Variants in PDSS2 observed in about 807,000 individuals in gnomAD.
PDSS2 encodes all trans-polyprenyl-diphosphate synthase PDSS2.
A neutral mutation model predicts 44.5 loss-of-function variants in PDSS2; 31 were observed. The ratio of observed to expected loss-of-function variants is 0.70; its 90% confidence interval spans 0.52 to 0.94. PDSS2 has a LOEUF of 0.94. Among genes scored for constraint, PDSS2 ranks in the 40% least tolerant of loss-of-function variants. The probability of loss-of-function intolerance (pLI) is 0.00; values close to 1 mark genes in which losing one functional copy is unlikely to be tolerated. For synonymous variants in PDSS2, 157 were observed against 180.3 expected (o/e 0.87, Z 1.03); for missense variants, 452 against 482.2 (o/e 0.94, Z 0.59).
At chr6:107,173,574 A>AAAAAAAAAAAAAAAAAAAAAAAAAAAAAC (rs1771676983) in intron 7 of PDSS2, among the ~76,000 whole-genome samples, 1 of 143,060 alleles carries the variant, frequency 7.0e-6, no homozygotes, top group African/African-American at 2.8e-5. Flanking sequence ...CTCTGTCTCA[A>AAAAAAAAAAAAAAAAAAAAAAAAAAAAAC]AAAAAAAAAA....
chr6:107,409,576 G>C (rs1331470563), intron 1 of PDSS2, among the ~76,000 whole-genome samples: 3 of 152,166 alleles, frequency 2.0e-5, no homozygotes, highest in South Asian at 2.1e-4. Flanking sequence ...TGGACAAGGA[G>C]AGTCAGAATT....
intron 4 of PDSS2, among the ~76,000 whole-genome samples, chr6:107,225,297 T>A (rs1010198465): frequency 6.7e-6 from 1 of 149,194 alleles, no homozygotes; most frequent in Non-Finnish European, 1.5e-5. Flanking sequence ...CTCAGCCTCC[T>A]GAACAGCTGG....
intron 1 of PDSS2, among the ~76,000 whole-genome samples, chr6:107,358,192 G>A (rs1366961911): frequency 2.6e-5 from 4 of 152,120 alleles, no homozygotes; most frequent in Non-Finnish European, 4.4e-5. Flanking sequence ...TTCGGACTAG[G>A]TGTATAAGGA....
At chr6:107,437,525 C>CAAA (rs60133518) in intron 1 of PDSS2, among the ~76,000 whole-genome samples, 15 of 126,738 alleles carry the variant, frequency 1.2e-4, no homozygotes, top group African/African-American at 4.8e-4. Context: ...ACCCTGTCTC[C>CAAA]AAAAAAAAAA....
intron 1 of PDSS2, among the ~76,000 whole-genome samples, chr6:107,412,750 C>A (rs1780544792): frequency 6.6e-6 from 1 of 152,108 alleles, no homozygotes; most frequent in Non-Finnish European, 1.5e-5. Context: ...TTTAGAAAGG[C>A]TTTATAATTC....
chr6:107,290,738 C>G (rs1776316838), intron 2 of PDSS2, among the ~76,000 whole-genome samples: 2 of 152,200 alleles, frequency 1.3e-5, no homozygotes, highest in African/African-American at 4.8e-5. Flanking sequence ...GCACCTCTCT[C>G]TACATAAGGC....
chr6:107,306,228 C>T (rs1197458912), intron 2 of PDSS2, among the ~76,000 whole-genome samples: 1 of 152,114 alleles, frequency 6.6e-6, no homozygotes, highest in Admixed American at 6.6e-5. Context: ...CTTGAATTCC[C>T]ATGTGTTGTG....
intron 1 of PDSS2, among the ~76,000 whole-genome samples, chr6:107,382,128 C>A (rs563075456): frequency 6.6e-6 from 1 of 152,318 alleles, no homozygotes; most frequent in Non-Finnish European, 1.5e-5. Context: ...TGTGTTTTCT[C>A]CAACTAGAAT....
intron 7 of PDSS2, among the ~76,000 whole-genome samples, chr6:107,178,506 T>C (rs1281299685): frequency 6.6e-6 from 1 of 152,356 alleles, no homozygotes; most frequent in Non-Finnish European, 1.5e-5. Flanking sequence ...AAGTGAAGCA[T>C]GCTTATCAGC....
chr6:107,449,420 A>G (rs1346580999), intron 1 of PDSS2, among the ~76,000 whole-genome samples: 4 of 152,186 alleles, frequency 2.6e-5, no homozygotes, highest in South Asian at 4.1e-4. Flanking sequence ...CTGAAATCCT[A>G]TAACTATTAA....
chr6:107,287,647 A>T (rs1232346295), intron 2 of PDSS2, among the ~76,000 whole-genome samples: 1 of 151,610 alleles, frequency 6.6e-6, no homozygotes, highest in African/African-American at 2.4e-5. Flanking sequence ...TCAGCCTCCC[A>T]AGTAGCTGGG....
chr6:107,165,377 A>C (rs9486544), intron 7 of PDSS2, among the ~76,000 whole-genome samples: 444 of 152,304 alleles, frequency 2.9e-3, no homozygotes, highest in African/African-American at 0.01. Context: ...TCAGCTTTCT[A>C]CATATGGCTA....
At chr6:107,265,571 TTTTC>T (rs1388455361) in intron 3 of PDSS2, among the ~76,000 whole-genome samples, 1 of 152,200 alleles carries the variant, frequency 6.6e-6, no homozygotes, top group African/African-American at 2.4e-5. Flanking sequence ...TGTTGACAAA[TTTTC>T]TTTCTTATAA....
chr6:107,228,899 T>C (rs1419885631), intron 4 of PDSS2, among the ~76,000 whole-genome samples: 1 of 152,118 alleles, frequency 6.6e-6, no homozygotes, highest in Non-Finnish European at 1.5e-5. Flanking sequence ...AAAGTCTTTA[T>C]TTGTGAGTGA....
Position 107,459,467 on chromosome 6 carries a change from G to A in PDSS2, c.-182C>T, listed in dbSNP as rs1884962. The A allele has an allele frequency of 8.1e-6, 5 of 613,848 alleles. No homozygotes were observed. The highest frequency in any genetic ancestry group is 1.4e-5 in the Non-Finnish European group (5 of 346,958). The allele number at this position is 613,848 out of a possible 1,614,324, so 38.0% of individuals were successfully genotyped here. Reference sequence around the variant, plus strand: ...TTTAACTGCTGCTTTCTGCAGCCCAGGCTGGGCAAACAACAGTCCCAGCTC... The same window carrying A: ...TTTAACTGCTGCTTTCTGCAGCCCAAGCTGGGCAAACAACAGTCCCAGCTC... On this transcript the variant is annotated 5_prime_UTR_variant, in exon 1 of 8. Coordinates refer to ENST00000369037, the MANE Select transcript of PDSS2 (RefSeq NM_020381.4). This position sits in a 1 kb window ranked among gnomAD's most constrained non-coding sequence, Gnocchi z 4.3.
chr6:107,385,739 CTTT>C (rs908648723), intron 1 of PDSS2, among the ~76,000 whole-genome samples: 1 of 145,968 alleles, frequency 6.9e-6, no homozygotes, highest in Non-Finnish European at 1.5e-5. Context: ...TTTTCTCTCT[CTTT>C]TTTTTTTTAA....
At chr6:107,454,271 C>T (rs901685466) in intron 1 of PDSS2, among the ~76,000 whole-genome samples, 2 of 152,238 alleles carry the variant, frequency 1.3e-5, no homozygotes, top group African/African-American at 2.4e-5. Flanking sequence ...TGGTCTCAAA[C>T]TCCTGAGCTC....
At chr6:107,171,841 C>G (rs1375827626) in intron 7 of PDSS2, among the ~76,000 whole-genome samples, 2 of 152,126 alleles carry the variant, frequency 1.3e-5, no homozygotes, top group Admixed American at 1.3e-4. Flanking sequence ...AAGGCATTTC[C>G]ATTCCTGCCT....
At chr6:107,401,690 T>C (rs964682398) in intron 1 of PDSS2, among the ~76,000 whole-genome samples, 1 of 152,168 alleles carries the variant, frequency 6.6e-6, no homozygotes. Context: ...CAACTCAGGA[T>C]ATGAACAAGA....
Sources: allele counts gnomAD v4.1 joint callset (sites outside exome capture counted in the v4.1 genomes callset), GRCh38; gene constraint gnomAD v4.1.1; non-coding constraint Gnocchi (gnomAD v3.1); transcripts MANE v1.5; gene names NCBI Gene and HGNC (gene_info 2026-07-23, HGNC 2026-07-21).